Variants in MYO9A observed in about 807,000 individuals in gnomAD.
The protein encoded by MYO9A is myosin IXA, also known as unconventional myosin-IXa.
Under a neutral mutation model 293.3 loss-of-function variants are expected in MYO9A, and 103 were observed. That is an observed-to-expected ratio of 0.35 (90% CI 0.30 to 0.41). The LOEUF (loss-of-function observed/expected upper bound fraction) is 0.41, where lower values mean the gene tolerates loss of function less well. MYO9A is among the 10% of genes least tolerant of loss of function. The pLI, the probability that MYO9A is intolerant of heterozygous loss-of-function variation, is 1.00. For synonymous variants in MYO9A, 1,001 were observed against 1,035.7 expected, an observed-to-expected ratio of 0.97 and a Z score of 0.64; for missense variants, 2,685 against 3,033.0, an observed-to-expected ratio of 0.89 and a Z score of 2.69.
chr15:72,055,369 A>C lies in MYO9A; in HGVS notation c.-71-8735T>G, dbSNP rs539138213. On this transcript the variant is annotated intron_variant, in intron 1 of 41. Coordinates refer to ENST00000356056, the MANE Select transcript of MYO9A (RefSeq NM_006901.4). ...ACTTAAATCTAAGACCTGAATAAAA[A>C]TTCTACAAGATAATGTCAGAAAAAC... 2.1e-4 allele frequency among the ~76,000 whole-genome samples: 32 copies of C among 152,392 alleles called. No homozygotes were observed. In the South Asian group the frequency reaches 4.6e-3, roughly 22 times the overall value.
chr15:71,932,557 T>C (rs1304176818), intron 18 of MYO9A, among the ~76,000 whole-genome samples: 3 of 151,554 alleles, frequency 2.0e-5, no homozygotes, highest in Non-Finnish European at 4.4e-5. Context: ...CATTGGCTAC[T>C]AGATGCAGCC....
Position 71,826,626 on chromosome 15 carries a change from G to A in MYO9A, c.7601C>T (p.Ser2534Phe). Reference sequence around the variant, plus strand: ...TCCAAAGAGTGCTAGCTGTTGGTTGGAGGTGCAGTCTGGGTCCACAGTTTT... The same window carrying A: ...TCCAAAGAGTGCTAGCTGTTGGTTGAAGGTGCAGTCTGGGTCCACAGTTTT... ...RRKTVDPDCT[S>F]NQQLALFGNN... The change falls in exon 42 of 42, where the codon TCC becomes TTC. Residue 2534 changes from serine to phenylalanine, a missense_variant. Physicochemically the swap from Ser to Phe is radical, Grantham distance 155. Around this residue, in one of 10 missense-constraint regions of MYO9A, gnomAD observed 350 missense variants for 328.9 expected, o/e 1.06. Coordinates refer to ENST00000356056, the MANE Select transcript of MYO9A (RefSeq NM_006901.4). 6.2e-7 allele frequency: 1 copy of A among 1,610,136 alleles called. No individual in the cohort carries two copies. Among genetic ancestry groups the A allele is most frequent in the Non-Finnish European group, 8.5e-7 (1 of 1,179,042 alleles).
chr15:72,017,568 G>GT (rs572805203), intron 6 of MYO9A, among the ~76,000 whole-genome samples: 2 of 151,922 alleles, frequency 1.3e-5, no homozygotes, highest in Admixed American at 6.6e-5. Flanking sequence ...TATGTCAAGT[G>GT]TTTTTTTCCC....
At chr15:72,113,735 T>C (rs978043788) in intron 1 of MYO9A, among the ~76,000 whole-genome samples, 1 of 152,114 alleles carries the variant, frequency 6.6e-6, no homozygotes, top group African/African-American at 2.4e-5. Context: ...CATATATACA[T>C]ACAAACACAC....
intron 29 of MYO9A, 118 bp from the exon 30 acceptor site, chr15:71,879,955 T>A (rs2056822649): frequency 2.9e-6 from 2 of 699,246 alleles, no homozygotes; most frequent in Non-Finnish European, 2.5e-6. Flanking sequence ...AGCCACAGGC[T>A]ATTATAGGAC....
At chr15:71,966,606 G>C (rs2075884064) in intron 13 of MYO9A, among the ~76,000 whole-genome samples, 2 of 152,012 alleles carry the variant, frequency 1.3e-5, no homozygotes, top group South Asian at 4.2e-4. Flanking sequence ...TACTCATTTA[G>C]AGTCCATCAA....
intron 18 of MYO9A, among the ~76,000 whole-genome samples, chr15:71,925,678 C>T (rs894850426): frequency 1.3e-5 from 2 of 152,116 alleles, no homozygotes; most frequent in Non-Finnish European, 1.5e-5. Flanking sequence ...TCCCCATCCC[C>T]CCACAATTTA....
intron 17 of MYO9A, 94 bp downstream of exon 17, chr15:71,935,247 A>C: frequency 3.9e-6 from 5 of 1,296,762 alleles, no homozygotes; most frequent in Non-Finnish European, 5.3e-6. Flanking sequence ...ATAACATTTC[A>C]CCATCTTCCT....
intron 1 of MYO9A, among the ~76,000 whole-genome samples, chr15:72,058,246 A>G (rs1024049557): frequency 5.3e-5 from 8 of 152,226 alleles, no homozygotes; most frequent in Non-Finnish European, 1.2e-4. Flanking sequence ...ATAACGTAAA[A>G]TTTTTAAATC....
At chr15:72,097,782 C>A (rs947430731) in intron 1 of MYO9A, among the ~76,000 whole-genome samples, 6 of 151,956 alleles carry the variant, frequency 3.9e-5, no homozygotes, top group Non-Finnish European at 8.8e-5. Context: ...TGGTGGCGTG[C>A]GCCTGTAGTC....
At chr15:71,858,746 C>A (rs1161068499) in intron 34 of MYO9A, 1 of 149,848 alleles carries the variant, frequency 6.7e-6, no homozygotes, top group Non-Finnish European at 1.5e-5. Flanking sequence ...AGGAGATATA[C>A]CTAATGTAAA....
At chr15:72,011,470 C>G (rs888758398) in intron 6 of MYO9A, among the ~76,000 whole-genome samples, 1 of 151,800 alleles carries the variant, frequency 6.6e-6, no homozygotes, top group Non-Finnish European at 1.5e-5. Context: ...TCAGATGAGT[C>G]AGTAAAACTA....
intron 13 of MYO9A, among the ~76,000 whole-genome samples, chr15:71,963,365 G>A (rs1486818904): frequency 5.9e-5 from 9 of 152,068 alleles, no homozygotes; most frequent in Non-Finnish European, 1.3e-4. Context: ...GATTACAGGA[G>A]TGAGCCACCA....
At chr15:71,972,553 G>C (rs1244621324) in intron 12 of MYO9A, among the ~76,000 whole-genome samples, 1 of 152,170 alleles carries the variant, frequency 6.6e-6, no homozygotes, top group African/African-American at 2.4e-5. Flanking sequence ...TATCAAATTT[G>C]AATTAGAGGA....
chr15:71,931,143 A>G (rs574341672), intron 18 of MYO9A, among the ~76,000 whole-genome samples: 1 of 152,310 alleles, frequency 6.6e-6, no homozygotes, highest in Non-Finnish European at 1.5e-5. Context: ...TGAATTAGAC[A>G]GTGTACTTAC....
intron 39 of MYO9A, among the ~76,000 whole-genome samples, chr15:71,845,444 C>G (rs1003345878): frequency 6.6e-6 from 1 of 152,150 alleles, no homozygotes; most frequent in Non-Finnish European, 1.5e-5. Context: ...GCCCACAGAT[C>G]CCCAGCAAAG....
At chr15:71,942,248 A>C (rs1374460491) in intron 15 of MYO9A, among the ~76,000 whole-genome samples, 1 of 152,078 alleles carries the variant, frequency 6.6e-6, no homozygotes, top group Non-Finnish European at 1.5e-5. Flanking sequence ...ATTTTTAGAA[A>C]ATGTAAAACT....
chr15:72,078,873 G>C (rs980696948), intron 1 of MYO9A, among the ~76,000 whole-genome samples: 1 of 152,092 alleles, frequency 6.6e-6, no homozygotes, highest in East Asian at 1.9e-4. Flanking sequence ...AATCCAAAAA[G>C]CCTATGTACT....
At chr15:72,053,543 G>T (rs1437672536) in intron 1 of MYO9A, among the ~76,000 whole-genome samples, 1 of 152,162 alleles carries the variant, frequency 6.6e-6, no homozygotes, top group African/African-American at 2.4e-5. Context: ...ATTATCCTAA[G>T]CAAACTAACG....
Sources: allele counts gnomAD v4.1 joint callset (sites outside exome capture counted in the v4.1 genomes callset), GRCh38; gene constraint gnomAD v4.1.1; regional missense constraint gnomAD v4.1.1; transcripts MANE v1.5; gene names NCBI Gene and HGNC (gene_info 2026-07-23, HGNC 2026-07-21).